The following RBPMS2 variants were observed in gnomAD, a reference collection of about 807,000 sequenced individuals.
The protein encoded by RBPMS2 is RNA binding protein, mRNA processing factor 2.
RBPMS2 carries 14 observed loss-of-function variants against 25.7 expected under a neutral mutation model. That is an observed-to-expected ratio of 0.55 (90% CI 0.36 to 0.85). The LOEUF (loss-of-function observed/expected upper bound fraction) is 0.85. Among genes scored for constraint, RBPMS2 ranks in the 40% least tolerant of loss-of-function variants. The pLI is 0.01. For synonymous variants in RBPMS2, 127 were observed against 115.6 expected (o/e 1.10, Z -0.63); for missense variants, 252 against 283.4 (o/e 0.89, Z 0.80).
At chr15:64,741,316 T>G in intron 6 of RBPMS2, 74 bp from the exon 7 acceptor site, 1 of 1,201,260 alleles carries the variant, frequency 8.3e-7, no homozygotes, top group Non-Finnish European at 1.2e-6. Flanking sequence ...ACCATGGCCA[T>G]CGGTGTCCCC....
chr15:64,752,910 C>T, intron 1 of RBPMS2, among the ~76,000 whole-genome samples: 1 of 152,254 alleles, frequency 6.6e-6, no homozygotes, highest in African/African-American at 2.4e-5. Context: ...CCGTGCCCGG[C>T]TGATGCTGTG....
At chr15:64,744,049 A>G (rs537181848) in intron 6 of RBPMS2, among the ~76,000 whole-genome samples, 5 of 151,988 alleles carry the variant, frequency 3.3e-5, no homozygotes, top group African/African-American at 1.2e-4. Flanking sequence ...CAGAGGTTGC[A>G]AAGAGCAAAG....
chr15:64,740,480 G>C lies in RBPMS2; in HGVS notation c.*528C>G, dbSNP rs1888906111. 1.3e-5 allele frequency: 2 copies of C among 152,400 alleles called. No homozygotes were observed. The highest frequency in any genetic ancestry group is 4.2e-4 in the South Asian group (2 of 4,812). 9.4% of individuals were successfully genotyped at this position (152,400 alleles called of 1,614,324 possible). Reference sequence around the variant, plus strand: ...GTGGGAGCTGAGCCTGGAAGCGTGTGGGGCCACGGAACTTGGGCCTCCCTG... The same window carrying C: ...GTGGGAGCTGAGCCTGGAAGCGTGTCGGGCCACGGAACTTGGGCCTCCCTG... On this transcript the variant is annotated 3_prime_UTR_variant, in exon 8 of 8. Coordinates refer to ENST00000300069, the MANE Select transcript of RBPMS2 (RefSeq NM_194272.3).
At chr15:64,750,242 C>T in intron 3 of RBPMS2, 101 bp downstream of exon 3, 3 of 1,031,322 alleles carry the variant, frequency 2.9e-6, no homozygotes, top group Non-Finnish European at 4.6e-6. Flanking sequence ...CAAGTCTGTA[C>T]CGCCAGATGC....
intron 1 of RBPMS2, among the ~76,000 whole-genome samples, chr15:64,759,425 C>T (rs2083762058): frequency 1.3e-5 from 2 of 152,264 alleles, no homozygotes; most frequent in South Asian, 4.1e-4. Flanking sequence ...TCCTCCACAG[C>T]CCTCTCCAGC....
At chr15:64,774,344 T>G (rs2083912601) in intron 1 of RBPMS2, among the ~76,000 whole-genome samples, 2 of 152,294 alleles carry the variant, frequency 1.3e-5, no homozygotes, top group South Asian at 4.1e-4. Context: ...CTCCAGTTCT[T>G]GTCTCCGCCA....
At chr15:64,775,013 G>A (rs1017222148) in intron 1 of RBPMS2, among the ~76,000 whole-genome samples, 36 of 150,826 alleles carry the variant, frequency 2.4e-4, no homozygotes, top group African/African-American at 8.7e-4. Flanking sequence ...CCTCGAGCCC[G>A]AGAGGGCGGG....
chr15:64,762,684 T>C (rs565747604), intron 1 of RBPMS2, among the ~76,000 whole-genome samples: 1 of 152,322 alleles, frequency 6.6e-6, no homozygotes, highest in South Asian at 2.1e-4. Context: ...CAGGTGGCTT[T>C]GTGGCCTTCG....
intron 1 of RBPMS2, among the ~76,000 whole-genome samples, chr15:64,769,367 T>C (rs943332298): frequency 2.1e-5 from 3 of 142,358 alleles, no homozygotes; most frequent in African/African-American, 7.9e-5. Flanking sequence ...GAGGTTGCGG[T>C]GAGCCGAGAT....
chr15:64,749,046 G>C lies in RBPMS2; in HGVS notation c.372C>G (p.Ser124Arg), dbSNP rs755679041. The C allele has an allele frequency of 6.2e-7, 1 of 1,614,116 alleles. No homozygotes were observed. The highest frequency in any genetic ancestry group is 1.3e-5 in the African/African-American group (1 of 74,922). ...GTGCTCCTAGGGCGGGGTGCACGTT[G>C]CTGGGATTTGGAGTTGCCATTAGCT... ...KSKLMATPNP[S>R]NVHPALGAHF... The change falls in exon 5 of 8, where the codon AGC (serine) becomes AGG (arginine). Residue 124 changes from serine to arginine, a missense_variant. By Grantham distance (110) the Ser-to-Arg change is moderately radical. Transcript: ENST00000300069.
At chr15:64,743,644 G>T (rs1019216959) in intron 6 of RBPMS2, among the ~76,000 whole-genome samples, 1 of 33,378 alleles carries the variant, frequency 3.0e-5, no homozygotes, top group South Asian at 4.2e-4. Context: ...GTGCCCAGGG[G>T]GGGGGGGGCT....
At chr15:64,747,167 A>G (rs981437283) in intron 6 of RBPMS2, among the ~76,000 whole-genome samples, 8 of 152,042 alleles carry the variant, frequency 5.3e-5, no homozygotes, top group African/African-American at 1.9e-4. Context: ...CCTCAGTACA[A>G]CTGAACGTTG....
chr15:64,753,752 G>A (rs2083704981), intron 1 of RBPMS2, among the ~76,000 whole-genome samples: 1 of 151,996 alleles, frequency 6.6e-6, no homozygotes, highest in African/African-American at 2.4e-5. Context: ...CCGGGGTTGG[G>A]GTGATGGCAC....
chr15:64,741,025 G>T (rs1216745970), intron 7 of RBPMS2, 25 bp from the exon 8 acceptor site: 1 of 594,252 alleles, frequency 1.7e-6, no homozygotes, highest in Admixed American at 3.0e-5. Context: ...AGAGGCGGCC[G>T]TGAGCAGAGG....
At chr15:64,757,548 A>C (rs1239814957) in intron 1 of RBPMS2, among the ~76,000 whole-genome samples, 1 of 152,222 alleles carries the variant, frequency 6.6e-6, no homozygotes, top group Non-Finnish European at 1.5e-5. Context: ...GACACCACAG[A>C]GATCAGCTAG....
At chr15:64,746,636 G>T (rs144699130) in intron 6 of RBPMS2, among the ~76,000 whole-genome samples, 1 of 152,222 alleles carries the variant, frequency 6.6e-6, no homozygotes, top group Non-Finnish European at 1.5e-5. Flanking sequence ...GCCCTGTGGC[G>T]TGGAGCTCAG....
At chr15:64,762,374 G>GA (rs72071408) in intron 1 of RBPMS2, 3 of 533,584 alleles carry the variant, frequency 5.6e-6, no homozygotes, top group East Asian at 5.5e-5. Flanking sequence ...GCTGGAGCAG[G>GA]CCCAGCCATC....
At position 64,768,680 on chromosome 15, in the gene RBPMS2, C is replaced by T. The variant is rs531743213; in HGVS notation, c.87+6553G>A. Among the ~76,000 whole-genome samples the T allele has an allele frequency of 7.3e-5, 11 of 151,242 alleles. No homozygotes were observed. In the South Asian group the frequency reaches 2.3e-3, roughly 32 times the overall value. On this transcript the variant is annotated intron_variant, in intron 1 of 7. Coordinates refer to ENST00000300069, the MANE Select transcript of RBPMS2 (RefSeq NM_194272.3). ...TTAGCTGGGCATGGTGCTGGTAGTC[C>T]TACCTACTAGGGAGGCTGAGGTGGG... is the stretch of plus-strand genomic sequence containing the variant.
intron 1 of RBPMS2, among the ~76,000 whole-genome samples, chr15:64,767,858 G>A (rs560812218): frequency 6.6e-6 from 1 of 152,214 alleles, no homozygotes; most frequent in East Asian, 1.9e-4. Context: ...TGTAAGGACG[G>A]GGTTTAATCA....
Sources: allele counts gnomAD v4.1 joint callset (sites outside exome capture counted in the v4.1 genomes callset), GRCh38; gene constraint gnomAD v4.1.1; transcripts MANE v1.5; gene names NCBI Gene and HGNC (gene_info 2026-07-23, HGNC 2026-07-21).